Variants in PAGE2B observed in about 807,000 individuals in gnomAD.
PAGE2B encodes putative G antigen family E member 3.
A neutral mutation model predicts 7.6 loss-of-function variants in PAGE2B; 5 were observed. The observed-to-expected ratio is 0.66, with a 90% CI of 0.34 to 1.38. PAGE2B has a LOEUF of 1.38. Among genes scored for constraint, PAGE2B ranks in the 40% most tolerant of loss-of-function variants. PAGE2B has a pLI of 0.04. For synonymous variants in PAGE2B, 29 were observed against 26.7 expected, an observed-to-expected ratio of 1.09 and a Z score of -0.27; for missense variants, 70 against 78.4, an observed-to-expected ratio of 0.89 and a Z score of 0.41.
chrX:55,066,195 A>G, the PAGE2B span, among the ~76,000 whole-genome samples: 1 of 111,899 alleles, frequency 8.9e-6, no homozygotes, highest in African/African-American at 3.2e-5. Context: ...GATTCAAGCA[A>G]TTGTCCTGCC....
chrX:55,030,240 A>G, the PAGE2B span, among the ~76,000 whole-genome samples: 4 of 111,911 alleles, frequency 3.6e-5, no homozygotes, highest in African/African-American at 1.3e-4. Flanking sequence ...AGGGTCTCAC[A>G]GTGAATTAGG....
At chrX:55,035,987 T>G in the PAGE2B span, among the ~76,000 whole-genome samples, 1 of 111,819 alleles carries the variant, frequency 8.9e-6, no homozygotes, top group Non-Finnish European at 1.9e-5. Flanking sequence ...GAGCAGTGGT[T>G]TGTAGTTCTC....
the PAGE2B span, chrX:55,031,140 C>T: frequency 1.6e-5 from 4 of 252,905 alleles, no homozygotes; most frequent in African/African-American, 2.9e-5. Flanking sequence ...TGTACCCCCT[C>T]CCCCAGCTCT....
chrX:55,037,373 A>C, the PAGE2B span, among the ~76,000 whole-genome samples: 9 of 111,623 alleles, frequency 8.1e-5, no homozygotes, highest in African/African-American at 2.6e-4. Context: ...CACCAGTTAG[A>C]ATGGCAATCA....
the PAGE2B span, among the ~76,000 whole-genome samples, chrX:55,064,972 G>A: frequency 1.8e-5 from 2 of 111,148 alleles, no homozygotes; most frequent in Admixed American, 1.9e-4. Flanking sequence ...CTAACATATG[G>A]TCTATCCTTG....
the PAGE2B span, among the ~76,000 whole-genome samples, chrX:55,044,068 C>A: frequency 9.2e-6 from 1 of 109,276 alleles, no homozygotes; most frequent in African/African-American, 3.3e-5. Context: ...TAAACTATTA[C>A]AACCACTATG....
At chrX:55,073,383 C>T (rs1374037514), upstream of PAGE2B, among the ~76,000 whole-genome samples, 1 of 111,107 alleles carries the variant, frequency 9.0e-6, no homozygotes, top group Admixed American at 9.6e-5. Context: ...CCATGGGCTG[C>T]ACCCACTGCC....
the PAGE2B span, among the ~76,000 whole-genome samples, chrX:55,048,332 T>C: frequency 8.9e-6 from 1 of 112,083 alleles, no homozygotes; most frequent in African/African-American, 3.2e-5. Context: ...TTTTTTCCAA[T>C]TCTGTGAAGA....
At chrX:55,030,849 C>A in the PAGE2B span, 1 of 219,891 alleles carries the variant, frequency 4.5e-6, no homozygotes, top group South Asian at 5.5e-5. Context: ...AGGAAAAAGT[C>A]AGATCTACTC....
chrX:55,038,207 A>G, the PAGE2B span, among the ~76,000 whole-genome samples: 1 of 111,090 alleles, frequency 9.0e-6, no homozygotes, highest in African/African-American at 3.3e-5. Context: ...CTCTCTACCC[A>G]TATAATTCAC....
chrX:55,066,495 G>A, the PAGE2B span, among the ~76,000 whole-genome samples: 4 of 112,000 alleles, frequency 3.6e-5, no homozygotes, highest in Admixed American at 2.9e-4. Flanking sequence ...ATCCCTCAGC[G>A]TTTGTTTGTC....
chrX:55,059,294 C>T, the PAGE2B span, among the ~76,000 whole-genome samples: 1 of 110,168 alleles, frequency 9.1e-6, no homozygotes, highest in Non-Finnish European at 1.9e-5. Context: ...ACCTATGCAC[C>T]CCTGCTGTTT....
upstream of PAGE2B, among the ~76,000 whole-genome samples, chrX:55,074,050 A>G (rs1419848002): frequency 8.9e-6 from 1 of 111,739 alleles, no homozygotes; most frequent in Admixed American, 9.5e-5. Flanking sequence ...TAGAAAAATA[A>G]AAGTGCCCAT....
the PAGE2B span, among the ~76,000 whole-genome samples, chrX:55,052,756 C>T: frequency 1.8e-5 from 2 of 113,064 alleles, no homozygotes; most frequent in Admixed American, 9.3e-5. Context: ...CTTGTGCTTC[C>T]CGGGTGAGGC....
At chrX:55,048,917 A>G in the PAGE2B span, among the ~76,000 whole-genome samples, 1 of 111,787 alleles carries the variant, frequency 8.9e-6, no homozygotes, top group South Asian at 3.8e-4. Context: ...GTTTTTGTCC[A>G]TTCAGTATGA....
the PAGE2B span, among the ~76,000 whole-genome samples, chrX:55,051,713 AT>A: frequency 1.8e-5 from 2 of 110,357 alleles, no homozygotes; most frequent in African/African-American, 3.3e-5. Flanking sequence ...CAGTCGTCTA[AT>A]TTTTTTTCAA....
chrX:55,073,920 G>A (rs1422407868), upstream of PAGE2B, among the ~76,000 whole-genome samples: 1 of 111,757 alleles, frequency 8.9e-6, no homozygotes, highest in Non-Finnish European at 1.9e-5. Context: ...TAAGATCAAG[G>A]AGCTTTTGGG....
chrX:55,053,397 A>T, the PAGE2B span, among the ~76,000 whole-genome samples: 1 of 111,831 alleles, frequency 8.9e-6, no homozygotes, highest in Non-Finnish European at 1.9e-5. Flanking sequence ...AGAGCATCAG[A>T]ATAAATAGCT....
intron 2 of PAGE2B, 84 bp from the exon 3 acceptor site, chrX:55,076,485 C>T: frequency 1.1e-6 from 1 of 884,774 alleles, no homozygotes; most frequent in Non-Finnish European, 1.6e-6. Flanking sequence ...GGAAAAATGT[C>T]TTTAGATGTG....
Sources: gnomAD v4.1 joint callset for allele counts (sites outside exome capture counted in the v4.1 genomes callset) on GRCh38, gnomAD v4.1.1 for gene constraint, MANE v1.5 for transcripts, NCBI Gene and HGNC (gene_info 2026-07-23, HGNC 2026-07-21) for gene names.